ZNF100: variants seen among roughly 807,000 people sequenced by gnomAD.
The protein encoded by ZNF100 is zinc finger protein 100 (Y1).
Under a neutral mutation model 15.8 loss-of-function variants are expected in ZNF100, and 12 were observed. The ratio of observed to expected loss-of-function variants is 0.76; its 90% confidence interval spans 0.49 to 1.23. The LOEUF is 1.23. ZNF100 is among the 50% of genes most tolerant of loss of function. The probability of loss-of-function intolerance (pLI) is 0.00; values close to 1 mark genes in which losing one functional copy is unlikely to be tolerated. For synonymous variants in ZNF100, 226 were observed against 214.8 expected (o/e 1.05, Z -0.45); for missense variants, 670 against 635.6 (o/e 1.05, Z -0.58).
At position 21,727,659 on chromosome 19, in the gene ZNF100, A is replaced by C. The variant is rs1328991578; in HGVS notation, c.653T>G (p.Leu218Ter). 1.2e-6 allele frequency: 2 copies of C among 1,612,932 alleles called. No individual in the cohort carries two copies. Among genetic ancestry groups the C allele is most frequent in the Non-Finnish European group, 1.7e-6 (2 of 1,179,572 alleles). ...AAATCTTTTATGTTGAGTTAGGTGT[A>C]AAAGCATGCAAAATGATTTTTCACA... ...KKCEKSFCML[L>*]HLTQHKRFHI... The change falls in exon 5 of 5, where the codon TTA becomes TGA. Residue 218 changes from leucine (L) to a stop codon, truncating the protein, a stop_gained. Coordinates refer to ENST00000358296, the MANE Select transcript of ZNF100 (RefSeq NM_173531.4). LOFTEE classifies it low-confidence loss of function (END_TRUNC).
intron 2 of ZNF100, among the ~76,000 whole-genome samples, chr19:21,764,066 T>A (rs1297948177): frequency 6.6e-6 from 1 of 152,166 alleles, no homozygotes; most frequent in East Asian, 1.9e-4. Context: ...CAGGACTCTG[T>A]AGCTTCTCTC....
intron 4 of ZNF100, among the ~76,000 whole-genome samples, chr19:21,734,117 A>G (rs1471147962): frequency 5.3e-5 from 8 of 152,196 alleles, no homozygotes; most frequent in African/African-American, 1.7e-4. Flanking sequence ...AGAATCAACC[A>G]AAAAATGCTG....
rs747526452 is a variant in ZNF100, at chr19:21,727,893, T to C, written c.419A>G (p.His140Arg). Residue 140 changes from histidine (H) to arginine (R), a missense_variant, in exon 5 of 5, where the codon CAT becomes CGT. His to Arg is a conservative substitution (Grantham distance 29). Transcript: ENST00000358296. Reference sequence around the variant, plus strand: ...GCCTTTTTGTAACTGTAAATTGTCATGTCCATATTTTCCATATTTTTTCAG... The same window carrying C: ...GCCTTTTTGTAACTGTAAATTGTCACGTCCATATTTTCCATATTTTTTCAG... ...AILKKYGKYG[H>R]DNLQLQKGCK... The C allele has an allele frequency of 6.2e-7, 1 of 1,605,802 alleles. No individual in the cohort carries two copies. The highest frequency in any genetic ancestry group is 8.5e-7 in the Non-Finnish European group (1 of 1,177,256).
chr19:21,730,709 A>G (rs1408393106), intron 4 of ZNF100, among the ~76,000 whole-genome samples: 2 of 152,198 alleles, frequency 1.3e-5, no homozygotes, highest in African/African-American at 4.8e-5. Context: ...CATGCTTCTC[A>G]ATTGCTCATA....
intron 2 of ZNF100, chr19:21,751,466 G>A: frequency 2.2e-6 from 2 of 889,856 alleles, no homozygotes; most frequent in Non-Finnish European, 3.9e-6. Context: ...AGCTGAATGT[G>A]CAACAGTAAC....
chr19:21,745,153 G>A (rs553070555), intron 2 of ZNF100, 86 bp from the exon 3 acceptor site: 2 of 1,527,934 alleles, frequency 1.3e-6, no homozygotes, highest in Admixed American at 4.5e-5. Context: ...TGAAATGACA[G>A]AGCAAAGAGA....
intron 2 of ZNF100, among the ~76,000 whole-genome samples, chr19:21,764,428 G>C: frequency 6.6e-6 from 1 of 152,070 alleles, no homozygotes; most frequent in Non-Finnish European, 1.5e-5. Flanking sequence ...CAGATCGCGA[G>C]GTTAGGAGTT....
chr19:21,767,493 G>A lies in ZNF100; in HGVS notation c.-64C>T, dbSNP rs2145755793. The A allele has an allele frequency of 2.5e-6, 4 of 1,611,306 alleles. No homozygotes were observed. The highest frequency in any genetic ancestry group is 2.2e-5 in the East Asian group (1 of 44,828). On this transcript the variant is annotated 5_prime_UTR_variant, in exon 1 of 5. Transcript: ENST00000358296. Reference sequence around the variant, plus strand: ...ATCTCCCAATATCTGCAGGTCAGAGGGCCACACAGGCTAGGCCCCTAGGAG... The same window carrying A: ...ATCTCCCAATATCTGCAGGTCAGAGAGCCACACAGGCTAGGCCCCTAGGAG...
At chr19:21,763,071 C>T (rs2036506469) in intron 2 of ZNF100, among the ~76,000 whole-genome samples, 1 of 152,154 alleles carries the variant, frequency 6.6e-6, no homozygotes, top group Non-Finnish European at 1.5e-5. Flanking sequence ...AAATACTCCA[C>T]CCCTTGTTTA....
intron 2 of ZNF100, 126 bp downstream of exon 2, chr19:21,765,568 C>A: frequency 1.2e-6 from 1 of 808,924 alleles, no homozygotes. Flanking sequence ...CTTAGATGAT[C>A]CAGGGAGCAG....
At chr19:21,738,697 G>A (rs549590546) in intron 4 of ZNF100, among the ~76,000 whole-genome samples, 2 of 152,220 alleles carry the variant, frequency 1.3e-5, no homozygotes, top group African/African-American at 2.4e-5. Context: ...AGAGACTCAC[G>A]CCTGTAATCC....
At chr19:21,735,435 A>G (rs2035991202) in intron 4 of ZNF100, among the ~76,000 whole-genome samples, 1 of 150,208 alleles carries the variant, frequency 6.7e-6, no homozygotes, top group Non-Finnish European at 1.5e-5. Flanking sequence ...CGGAGCTGGA[A>G]GTGAGCCAAG....
Position 21,767,532 on chromosome 19 carries a change from G to A in ZNF100, c.-103C>T, listed in dbSNP as rs2036586122. On this transcript the variant is annotated 5_prime_UTR_variant, in exon 1 of 5. Coordinates refer to ENST00000358296, the MANE Select transcript of ZNF100 (RefSeq NM_173531.4). ...GGCCCCTAGGAGCAGAAGACACAGAGAAGTGAGAGCAAAACCTGGAGCTCC... is the reference window on the plus strand; with the variant it reads ...GGCCCCTAGGAGCAGAAGACACAGAAAAGTGAGAGCAAAACCTGGAGCTCC... 1.3e-6 allele frequency: 2 copies of A among 1,540,666 alleles called. No individual in the cohort carries two copies. Among genetic ancestry groups the A allele is most frequent in the Admixed American group, 1.9e-5 (1 of 52,194 alleles).
intron 2 of ZNF100, among the ~76,000 whole-genome samples, chr19:21,759,718 T>C (rs1297055403): frequency 6.6e-6 from 1 of 152,124 alleles, no homozygotes; most frequent in Admixed American, 6.5e-5. Context: ...CCCCCACCGG[T>C]GCCATGACGG....
Position 21,724,843 on chromosome 19 carries a change from G to A in ZNF100, c.*1840C>T, listed in dbSNP as rs2035747252. On this transcript the variant is annotated 3_prime_UTR_variant, in exon 5 of 5. Transcript: ENST00000358296. ...GAGGCAGGCAAATCATTTAAGGTCA[G>A]GAGTTCGAGACCAGCTTGACTTACA... 1 of 152,160 alleles carries A rather than the reference G, an allele frequency of 6.6e-6. No homozygotes were observed. The highest frequency in any genetic ancestry group is 1.5e-5 in the Non-Finnish European group (1 of 68,028). 9.4% of individuals were successfully genotyped at this position (152,160 alleles called of 1,614,324 possible).
chr19:21,743,991 C>T lies in ZNF100; in HGVS notation c.322+26G>A, dbSNP rs201764888. 185 of 1,588,112 alleles carry T rather than the reference C, an allele frequency of 1.2e-4. No homozygotes were observed. The African/African-American group carries it at 2.2e-3, about 19-fold the overall frequency. On this transcript the variant is annotated intron_variant, in intron 4 of 4. Transcript: ENST00000358296. ...TGACCTTTGGACCTCACATCTGTGT[C>T]ATCTGTTGTGTTCACTCTCACCTAC...
rs571475431 is a variant in ZNF100, at chr19:21,730,416, CAAT to C, written c.323-2430_323-2428del. On this transcript the variant is annotated intron_variant, in intron 4 of 4. Coordinates refer to ENST00000358296, the MANE Select transcript of ZNF100 (RefSeq NM_173531.4). ...CAAAGAGACAAAGAAGGGCATTAAA[CAAT>C]AATAGATTCATTTACTGATAACCTA... Among the ~76,000 whole-genome samples, 491 of 142,122 alleles carry C rather than the reference CAAT, an allele frequency of 3.5e-3. 2 individuals are homozygous for C. Among genetic ancestry groups the C allele is most frequent in the Middle Eastern group, 0.018 (5 of 272 alleles). 93.2% of individuals were successfully genotyped at this position (142,122 alleles called of 152,430 possible). A position where few individuals can be genotyped will look rare whatever the true frequency, so the allele number is the denominator to read the frequency against.
Position 21,727,347 on chromosome 19 carries a change from C to T in ZNF100, c.965G>A (p.Cys322Tyr). The T allele has an allele frequency of 6.2e-7, 1 of 1,612,750 alleles. No homozygotes were observed. Among genetic ancestry groups the T allele is most frequent in the Non-Finnish European group, 8.5e-7 (1 of 1,179,566 alleles). ...TGVKPYKCTE[C>Y]GKAFNRSSHL... is the part of the protein sequence containing the mutation. ...TGAGGACCGGTTAAAAGCTTTGCCA[C>T]ATTCTGTACATTTGTAGGGTTTCAC... The change falls in exon 5 of 5, where the codon TGT becomes TAT. Residue 322 changes from cysteine (C) to tyrosine (Y), a missense_variant. Coordinates refer to ENST00000358296, the MANE Select transcript of ZNF100 (RefSeq NM_173531.4).
rs564777496 is a variant in ZNF100, at chr19:21,767,346, T to C, written c.3+81A>G. ...TTGTGAAGCTGACTGCGGAGAGGCC[T>C]GAGTCCCGCCACAGCTACTTCCCAC... On this transcript the variant is annotated intron_variant, in intron 1 of 4. Coordinates refer to ENST00000358296, the MANE Select transcript of ZNF100 (RefSeq NM_173531.4). The C allele has an allele frequency of 8.7e-6, 14 of 1,607,336 alleles. No individual in the cohort carries two copies. The African/African-American group carries it at 1.3e-4, about 15-fold the overall frequency.
Sources: gnomAD v4.1 joint callset for allele counts (sites outside exome capture counted in the v4.1 genomes callset) on GRCh38, gnomAD v4.1.1 for gene constraint, MANE v1.5 for transcripts, NCBI Gene and HGNC (gene_info 2026-07-23, HGNC 2026-07-21) for gene names.